DPP10: variants seen among roughly 807,000 people sequenced by gnomAD.
The protein encoded by DPP10 is inactive dipeptidyl peptidase 10.
In DPP10, 33 loss-of-function variants were observed where a neutral mutation model predicts 120.9. That is an observed-to-expected ratio of 0.27 (90% confidence interval 0.21 to 0.37). The LOEUF is 0.37. Ranked by LOEUF, DPP10 falls within the 10% of genes least tolerant of loss-of-function variation. The pLI is 1.00. For synonymous variants in DPP10, 337 were observed against 326.1 expected, an observed-to-expected ratio of 1.03 and a Z score of -0.36; for missense variants, 816 against 942.8, an observed-to-expected ratio of 0.87 and a Z score of 1.76.
intron 5 of DPP10, among the ~76,000 whole-genome samples, chr2:115,578,741 G>C (rs2081838398): frequency 6.6e-6 from 1 of 152,162 alleles, no homozygotes; most frequent in Admixed American, 6.5e-5. Flanking sequence ...AAGGATTTGG[G>C]GATTTTGCAG....
intron 1 of DPP10, among the ~76,000 whole-genome samples, chr2:114,740,585 C>T (rs991453506): frequency 3.3e-5 from 5 of 152,222 alleles, no homozygotes; most frequent in African/African-American, 1.2e-4. Flanking sequence ...TTGTTTCTAT[C>T]CTTCGTATGA....
chr2:115,441,215 A>C (rs2104868957), intron 3 of DPP10, among the ~76,000 whole-genome samples: 1 of 152,320 alleles, frequency 6.6e-6, no homozygotes, highest in East Asian at 1.9e-4. Flanking sequence ...CACAGGAAAA[A>C]AAGGGGGAAA....
At chr2:114,947,363 C>T (rs1558909570) in intron 1 of DPP10, among the ~76,000 whole-genome samples, 1 of 150,372 alleles carries the variant, frequency 6.7e-6, no homozygotes, top group Non-Finnish European at 1.5e-5. Flanking sequence ...ACAATTTTTT[C>T]CATCGATGAA....
intron 5 of DPP10, among the ~76,000 whole-genome samples, chr2:115,534,289 T>A (rs1218567708): frequency 2.6e-5 from 4 of 151,678 alleles, no homozygotes; most frequent in Non-Finnish European, 5.9e-5. Context: ...GTCCCTAGAG[T>A]GTGATGTTCC....
intron 3 of DPP10, among the ~76,000 whole-genome samples, chr2:115,475,223 C>T (rs535697683): frequency 3.9e-5 from 6 of 152,298 alleles, no homozygotes; most frequent in South Asian, 2.1e-4. Context: ...CAGGGCCCCA[C>T]GGACCTGTGC....
intron 10 of DPP10, among the ~76,000 whole-genome samples, chr2:115,748,194 A>C (rs1334154984): frequency 1.3e-5 from 2 of 150,310 alleles, no homozygotes; most frequent in African/African-American, 4.9e-5. Context: ...AGAATATTTA[A>C]ATAATTCATT....
chr2:115,239,844 C>G (rs1281880742), intron 1 of DPP10, among the ~76,000 whole-genome samples: 1 of 152,112 alleles, frequency 6.6e-6, no homozygotes, highest in Non-Finnish European at 1.5e-5. Context: ...TGAGTGAGAA[C>G]ATGCAGTGTT....
intron 1 of DPP10, among the ~76,000 whole-genome samples, chr2:114,809,427 C>T (rs1321698937): frequency 6.6e-6 from 1 of 152,196 alleles, no homozygotes; most frequent in African/African-American, 2.4e-5. Context: ...TAGCCTGACA[C>T]TAAAATTTAA....
At chr2:115,498,574 A>G (rs1285191527) in intron 3 of DPP10, among the ~76,000 whole-genome samples, 4 of 151,700 alleles carry the variant, frequency 2.6e-5, no homozygotes, top group Non-Finnish European at 5.9e-5. Flanking sequence ...GAGATTAGGG[A>G]TGTGTAAGCA....
At chr2:114,495,120 A>C (rs1682394339) in intron 1 of DPP10, among the ~76,000 whole-genome samples, 1 of 152,176 alleles carries the variant, frequency 6.6e-6, no homozygotes, top group Non-Finnish European at 1.5e-5. Flanking sequence ...GATTATAGAA[A>C]TAGTAAAAAA....
At chr2:115,314,391 T>C (rs2106057333) in intron 2 of DPP10, among the ~76,000 whole-genome samples, 1 of 152,344 alleles carries the variant, frequency 6.6e-6, no homozygotes, top group Admixed American at 6.5e-5. Context: ...GTGGTCTTCA[T>C]TGTTAGCTCT....
At chr2:114,702,246 CA>C (rs1367496832) in intron 1 of DPP10, among the ~76,000 whole-genome samples, 7 of 152,038 alleles carry the variant, frequency 4.6e-5, no homozygotes, top group African/African-American at 1.4e-4. Flanking sequence ...TCACTTCAAC[CA>C]GGGGGGCATG....
intron 7 of DPP10, among the ~76,000 whole-genome samples, chr2:115,716,955 T>G (rs2092515182): frequency 6.6e-6 from 1 of 152,340 alleles, no homozygotes; most frequent in Admixed American, 6.5e-5. Flanking sequence ...TCATTCTTCT[T>G]TATGGAATCT....
chr2:115,062,430 A>G (rs1320514955), intron 1 of DPP10, among the ~76,000 whole-genome samples: 1 of 152,192 alleles, frequency 6.6e-6, no homozygotes, highest in Non-Finnish European at 1.5e-5. Context: ...GGTTTGTTAC[A>G]TAGGTAAACA....
chr2:114,853,520 G>A (rs544151156), intron 1 of DPP10, among the ~76,000 whole-genome samples: 2 of 152,100 alleles, frequency 1.3e-5, no homozygotes, highest in African/African-American at 4.8e-5. Flanking sequence ...TATAGATGCT[G>A]TGATGGTTTA....
chr2:114,567,197 AT>A (rs545295935), intron 1 of DPP10, among the ~76,000 whole-genome samples: 2 of 152,084 alleles, frequency 1.3e-5, no homozygotes, highest in Non-Finnish European at 2.9e-5. Context: ...GGCAGGTACA[AT>A]TTTTTTGGCT....
At chr2:114,973,146 C>T (rs967067620) in intron 1 of DPP10, among the ~76,000 whole-genome samples, 14 of 151,994 alleles carry the variant, frequency 9.2e-5, no homozygotes, top group African/African-American at 3.4e-4. Flanking sequence ...ATTCCTATTG[C>T]CTAGTGACAT....
chr2:114,925,000 A>C (rs1246710664), intron 1 of DPP10, among the ~76,000 whole-genome samples: 1 of 152,002 alleles, frequency 6.6e-6, no homozygotes, highest in Non-Finnish European at 1.5e-5. Flanking sequence ...TCACGAGGTC[A>C]GGAGTTTGAG....
intron 17 of DPP10, among the ~76,000 whole-genome samples, chr2:115,783,381 G>A (rs992324237): frequency 4.6e-5 from 7 of 152,234 alleles, no homozygotes; most frequent in Middle Eastern, 3.4e-3. Context: ...TTTCTATTGT[G>A]CTTTTGCCTC....
Sources: allele counts gnomAD v4.1 joint callset (sites outside exome capture counted in the v4.1 genomes callset), GRCh38; gene constraint gnomAD v4.1.1; transcripts MANE v1.5; gene names NCBI Gene and HGNC (gene_info 2026-07-23, HGNC 2026-07-21).